The following DNAH17 variants were observed in gnomAD, a reference collection of about 807,000 sequenced individuals.
DNAH17 encodes the protein axonemal beta dynein heavy chain 17.
Under a neutral mutation model 485.6 loss-of-function variants are expected in DNAH17, and 376 were observed. That is an observed-to-expected ratio of 0.77 (90% CI 0.71 to 0.84). The LOEUF is 0.84. DNAH17 is among the 40% of genes least tolerant of loss of function. DNAH17 has a pLI of 0.00. For synonymous variants in DNAH17, 3,031 were observed against 2,405.9 expected (o/e 1.26, Z -7.60); for missense variants, 6,370 against 5,839.3 (o/e 1.09, Z -2.96).
chr17:78,495,808 G>C lies in DNAH17; in HGVS notation c.5903+67C>G, dbSNP rs1411226029. 2.6e-6 allele frequency: 4 copies of C among 1,554,718 alleles called. No homozygotes were observed. In the Admixed American group the frequency reaches 7.2e-5, roughly 28 times the overall value. ...TGCCCCTCCCCTCTGCCCACTCCTT[G>C]GCACTGGGACGTTGCTGTGGCCGGC... On this transcript the variant is annotated intron_variant, in intron 38 of 80. Transcript: ENST00000389840.
Position 78,439,209 on chromosome 17 carries a change from G to GT in DNAH17, c.11685dup (p.Leu3896ThrfsTer12), listed in dbSNP as rs1568052136. 2.5e-6 allele frequency: 4 copies of GT among 1,601,124 alleles called. No individual in the cohort carries two copies. Among genetic ancestry groups the GT allele is most frequent in the Admixed American group, 1.8e-5 (1 of 56,608 alleles). The stretch of plus-strand genomic sequence containing the variant: ...TTTCCATTGTCTATGGTAAACCCTA[G>GT]TTTTTTTCCTAAAGAAAAGAAAAAC... On this transcript the variant is annotated frameshift_variant, in exon 73 of 81. Coordinates refer to ENST00000389840, the MANE Select transcript of DNAH17 (RefSeq NM_173628.4). LOFTEE classifies it high-confidence loss of function.
chr17:78,521,441 G>A (rs999769375), intron 25 of DNAH17, among the ~76,000 whole-genome samples: 24 of 152,030 alleles, frequency 1.6e-4, no homozygotes, highest in African/African-American at 5.1e-4. Flanking sequence ...TGGAGGGACC[G>A]ACTTGTCTAC....
rs774072418 is a variant in DNAH17, at chr17:78,429,260, A to G, written c.12266T>C (p.Met4089Thr). 32 of 1,613,954 alleles carry G rather than the reference A, an allele frequency of 2.0e-5. No homozygotes were observed. Among genetic ancestry groups the G allele is most frequent in the South Asian group, 6.6e-5 (6 of 91,088 alleles). The change falls in exon 76 of 81, where the codon ATG becomes ACG. Residue 4089 changes from methionine (M) to threonine (T), a missense_variant. Coordinates refer to ENST00000389840, the MANE Select transcript of DNAH17 (RefSeq NM_173628.4). ...DDLRYLFGEI[M>T]YGGHITDDWD... is the part of the protein sequence containing the mutation. ...GTCATCTGTGATGTGGCCGCCATACATGATTTCACCAAAAAGGTAGCGGAG... is the reference window on the plus strand; with the variant it reads ...GTCATCTGTGATGTGGCCGCCATACGTGATTTCACCAAAAAGGTAGCGGAG...
At chr17:78,495,167 C>T in intron 38 of DNAH17, 70 bp from the exon 39 acceptor site, 1 of 1,497,796 alleles carries the variant, frequency 6.7e-7, no homozygotes, top group Non-Finnish European at 8.9e-7. Context: ...GCCTGTCCCT[C>T]TTCACCTAGG....
rs2089516896 is a variant in DNAH17, at chr17:78,484,745, CCCA to C, written c.7649+120_7649+122del. 1.2e-4 allele frequency: 51 copies of C among 438,060 alleles called. 1 individual carries two copies. Among genetic ancestry groups the C allele is most frequent in the Non-Finnish European group, 1.5e-4 (41 of 279,258 alleles). 27.1% of individuals were successfully genotyped at this position (438,060 alleles called of 1,614,324 possible). On this transcript the variant is annotated intron_variant, in intron 48 of 80. Transcript: ENST00000389840. ...TCCCTACCCACGTTGCAGCACCCCC[CCCA>C]CCGCCCCACACCAGTCCTGCCCTAC...
At chr17:78,430,371 T>C (rs1245179585) in intron 75 of DNAH17, among the ~76,000 whole-genome samples, 4 of 152,246 alleles carry the variant, frequency 2.6e-5, no homozygotes, top group Non-Finnish European at 5.9e-5. Flanking sequence ...CCGCTCACAG[T>C]CAGCTTCTTC....
chr17:78,571,710 G>A lies in DNAH17; in HGVS notation c.612C>T (p.Ile204=), dbSNP rs577131115. 1.6e-5 allele frequency: 26 copies of A among 1,613,818 alleles called. No homozygotes were observed. The highest frequency in any genetic ancestry group is 2.1e-5 in the Non-Finnish European group (25 of 1,179,764). ...CTGAGTCTTTGCTCAGCACATCCCG[G>A]ATCTGGTGGGACCAGTCGATGATGG... The part of the protein sequence containing the change: ...ETTIIDWSHQ[I]RDVLSKDSAQ... The change falls in exon 4 of 81, where the codon ATC becomes ATT. Residue 204 remains isoleucine (I), a synonymous_variant. Transcript: ENST00000389840.
At chr17:78,537,863 G>GC (rs944978599) in intron 18 of DNAH17, among the ~76,000 whole-genome samples, 2 of 152,234 alleles carry the variant, frequency 1.3e-5, no homozygotes, top group African/African-American at 4.8e-5. Context: ...TGTTGGCTAG[G>GC]CGCAGTGGCT....
chr17:78,476,520 C>T lies in DNAH17; in HGVS notation c.8154+52G>A, dbSNP rs1347262191. 5 of 1,552,504 alleles carry T rather than the reference C, an allele frequency of 3.2e-6. No homozygotes were observed. In the East Asian group the frequency reaches 9.3e-5, roughly 29 times the overall value. On this transcript the variant is annotated intron_variant, in intron 52 of 80. Transcript: ENST00000389840. ...GTTCTCATTGGCCGCCGACACTCCA[C>T]CCTCCTGGAGCCATTCTGGGCTCGG...
chr17:78,467,776 G>A (rs2088546704), intron 55 of DNAH17, among the ~76,000 whole-genome samples: 1 of 152,186 alleles, frequency 6.6e-6, no homozygotes, highest in Non-Finnish European at 1.5e-5. Context: ...GCAGCACTTT[G>A]GGAGGCCGAG....
At position 78,458,608 on chromosome 17, in the gene DNAH17, G is replaced by C. The variant is rs1441448209; in HGVS notation, c.9934C>G (p.Gln3312Glu). 1.2e-6 allele frequency: 2 copies of C among 1,613,916 alleles called. No homozygotes were observed. The highest frequency in any genetic ancestry group is 1.7e-6 in the Non-Finnish European group (2 of 1,179,900). Residue 3312 changes from glutamine (Q) to glutamate (E), a missense_variant, in exon 62 of 81, where the codon CAA becomes GAA. By Grantham distance (29) the Gln-to-Glu change is conservative. Coordinates refer to ENST00000389840, the MANE Select transcript of DNAH17 (RefSeq NM_173628.4). ...ACCCTGTTCGTGGCATCGGCCTCTTGCTGACACTTGATTTTCTCAGCTGTT... is the reference window on the plus strand; with the variant it reads ...ACCCTGTTCGTGGCATCGGCCTCTTCCTGACACTTGATTTTCTCAGCTGTT... ...KATAEKIKCQ[Q>E]EADATNRVIL... is the part of the protein sequence containing the mutation.
chr17:78,427,742 C>T (rs540480964), intron 77 of DNAH17, among the ~76,000 whole-genome samples: 7 of 152,216 alleles, frequency 4.6e-5, no homozygotes, highest in South Asian at 2.1e-4. Flanking sequence ...GAGGCCGAGG[C>T]GGGATGGTCA....
intron 37 of DNAH17, chr17:78,496,890 T>G (rs1310630002): frequency 2.0e-5 from 3 of 152,148 alleles, no homozygotes; most frequent in African/African-American, 2.4e-5. Flanking sequence ...GCAAGGATGG[T>G]CTCGATCTCC....
chr17:78,439,998 T>C (rs1024299001), intron 72 of DNAH17, among the ~76,000 whole-genome samples: 2 of 151,498 alleles, frequency 1.3e-5, no homozygotes, highest in Non-Finnish European at 2.9e-5. Flanking sequence ...GGGTCTCAAC[T>C]CTGTCACCTA....
At chr17:78,513,943 A>G (rs2090706781) in intron 26 of DNAH17, among the ~76,000 whole-genome samples, 1 of 152,148 alleles carries the variant, frequency 6.6e-6, no homozygotes, top group Non-Finnish European at 1.5e-5. Flanking sequence ...AGCTGCTTAA[A>G]GTCATTTTGT....
chr17:78,570,150 A>G, intron 7 of DNAH17, 97 bp downstream of exon 7: 1 of 1,386,574 alleles, frequency 7.2e-7, no homozygotes, highest in South Asian at 1.4e-5. Context: ...CCTGCTTTCA[A>G]ACTGCTGGGG....
intron 65 of DNAH17, among the ~76,000 whole-genome samples, chr17:78,451,881 T>C (rs867129718): frequency 3.3e-5 from 5 of 152,060 alleles, no homozygotes; most frequent in Admixed American, 1.3e-4. Flanking sequence ...CACCTGCTCT[T>C]TCCTTGGGTG....
chr17:78,547,828 G>T (rs981515361), intron 16 of DNAH17, among the ~76,000 whole-genome samples: 5 of 151,874 alleles, frequency 3.3e-5, no homozygotes, highest in African/African-American at 1.2e-4. Context: ...ATGTGGGCCA[G>T]GCTGGTCTTG....
chr17:78,456,361 CTGTG>C (rs2087801290), intron 62 of DNAH17, among the ~76,000 whole-genome samples: 1 of 152,104 alleles, frequency 6.6e-6, no homozygotes, highest in Non-Finnish European at 1.5e-5. Context: ...CTTAGGAATG[CTGTG>C]TTTCCTCTTC....
Sources: gnomAD v4.1 joint callset for allele counts (sites outside exome capture counted in the v4.1 genomes callset) on GRCh38, gnomAD v4.1.1 for gene constraint, MANE v1.5 for transcripts, NCBI Gene and HGNC (gene_info 2026-07-23, HGNC 2026-07-21) for gene names.